The following DYTN variants were observed in gnomAD, a reference collection of about 807,000 sequenced individuals.
DYTN encodes dystrotelin.
In DYTN, 75 loss-of-function variants were observed where a neutral mutation model predicts 69.6. That is an observed-to-expected ratio of 1.08 (90% CI 0.89 to 1.31). The LOEUF (loss-of-function observed/expected upper bound fraction) is 1.31, where lower values mean the gene tolerates loss of function less well. Ranked by LOEUF, DYTN falls within the 50% of genes most tolerant of loss-of-function variation. The pLI, the probability that DYTN is intolerant of heterozygous loss-of-function variation, is 0.00. For synonymous variants in DYTN, 252 were observed against 249.1 expected (o/e 1.01, Z -0.11); for missense variants, 726 against 688.4 (o/e 1.05, Z -0.61).
intron 7 of DYTN, among the ~76,000 whole-genome samples, chr2:206,697,096 G>A (rs1176854573): frequency 6.6e-6 from 1 of 152,120 alleles, no homozygotes; most frequent in Non-Finnish European, 1.5e-5. Flanking sequence ...TATTTGATGA[G>A]TCATCCATGC....
intron 9 of DYTN, among the ~76,000 whole-genome samples, chr2:206,671,814 G>A (rs1699632613): frequency 1.3e-5 from 2 of 152,288 alleles, no homozygotes; most frequent in South Asian, 2.1e-4. Context: ...AGCATTTCAG[G>A]TTAGTGCAAA....
chr2:206,717,354 G>T (rs376191434), intron 1 of DYTN, among the ~76,000 whole-genome samples: 2 of 152,136 alleles, frequency 1.3e-5, no homozygotes, highest in African/African-American at 4.8e-5. Flanking sequence ...GTAGGCCAGT[G>T]GTCCTCACAG....
At chr2:206,713,807 A>G (rs1440951999) in intron 1 of DYTN, among the ~76,000 whole-genome samples, 1 of 152,266 alleles carries the variant, frequency 6.6e-6, no homozygotes, top group African/African-American at 2.4e-5. Context: ...CTCTGAAGCC[A>G]AGACTTACTT....
chr2:206,702,825 C>T (rs1040385198), intron 5 of DYTN, among the ~76,000 whole-genome samples: 1 of 152,158 alleles, frequency 6.6e-6, no homozygotes, highest in African/African-American at 2.4e-5. Context: ...TAAAGATGTG[C>T]ATAAAGATTT....
chr2:206,684,175 T>C (rs567123153), intron 9 of DYTN, among the ~76,000 whole-genome samples: 25 of 152,308 alleles, frequency 1.6e-4, no homozygotes, highest in Non-Finnish European at 3.4e-4. Context: ...TCTGTAGCCA[T>C]TTGTACTTCT....
intron 7 of DYTN, among the ~76,000 whole-genome samples, chr2:206,696,405 G>A (rs1047436416): frequency 1.3e-5 from 2 of 151,904 alleles, no homozygotes; most frequent in Admixed American, 6.6e-5. Context: ...CCTTGAGATC[G>A]CCCCTCAGCT....
intron 8 of DYTN, among the ~76,000 whole-genome samples, chr2:206,694,226 G>A (rs1699895004): frequency 6.6e-6 from 1 of 152,078 alleles, no homozygotes. Context: ...CACTTGCTAG[G>A]TATTTATAAT....
chr2:206,714,691 GGAAT>G (rs10530915), intron 1 of DYTN, among the ~76,000 whole-genome samples: 90,430 of 151,514 alleles, frequency 0.6, 28,493 homozygotes, highest in East Asian at 0.96. Context: ...CCTGAGTGGG[GGAAT>G]GAATGGCTGC....
At chr2:206,700,092 T>A in intron 6 of DYTN, 53 bp downstream of exon 6, 1 of 1,608,168 alleles carries the variant, frequency 6.2e-7, no homozygotes, top group Admixed American at 1.7e-5. Context: ...CAGCAAACTA[T>A]CCCAATACAC....
chr2:206,711,073 T>C (rs12052643), intron 1 of DYTN, among the ~76,000 whole-genome samples: 13,462 of 152,264 alleles, frequency 0.088, 802 homozygotes, highest in East Asian at 0.21. Context: ...AATATAGCAT[T>C]CAACTAGATA....
chr2:206,691,125 T>A (rs1039943762), intron 9 of DYTN, among the ~76,000 whole-genome samples: 1 of 151,730 alleles, frequency 6.6e-6, no homozygotes, highest in Non-Finnish European at 1.5e-5. Flanking sequence ...CAAATAAGAG[T>A]ATGGAGGCCG....
intron 9 of DYTN, among the ~76,000 whole-genome samples, chr2:206,683,135 A>G (rs1394758754): frequency 1.3e-5 from 2 of 152,144 alleles, no homozygotes; most frequent in East Asian, 3.9e-4. Flanking sequence ...ATTGGAAAAA[A>G]TTTAGGAAAA....
chr2:206,682,356 G>A (rs1290889201), intron 9 of DYTN, among the ~76,000 whole-genome samples: 1 of 151,928 alleles, frequency 6.6e-6, no homozygotes, highest in African/African-American at 2.4e-5. Context: ...ACTTTTCAAG[G>A]GTAAAAGGTC....
At chr2:206,685,036 A>G (rs1485701480) in intron 9 of DYTN, among the ~76,000 whole-genome samples, 1 of 152,218 alleles carries the variant, frequency 6.6e-6, no homozygotes, top group Non-Finnish European at 1.5e-5. Flanking sequence ...CTGTTACAGG[A>G]CAATGGAAGT....
Position 206,707,550 on chromosome 2 carries a change from A to G in DYTN, c.95-47T>C, listed in dbSNP as rs751233179. ...TTGAGCCTTATTTTCTGATGGGAAC[A>G]AAAGGCTTCAAATAAAGCAAATGTC... On this transcript the variant is annotated intron_variant, in intron 2 of 11. Transcript: ENST00000452335. The G allele has an allele frequency of 9.1e-6, 14 of 1,536,854 alleles. No individual in the cohort carries two copies. In the African/African-American group the frequency reaches 1.8e-4, roughly 20 times the overall value.
intron 9 of DYTN, among the ~76,000 whole-genome samples, chr2:206,683,516 G>A (rs1360308376): frequency 6.6e-6 from 1 of 151,442 alleles, no homozygotes; most frequent in Non-Finnish European, 1.5e-5. Context: ...GCTAATTTTT[G>A]TATTGTTAGT....
At chr2:206,704,715 T>G (rs1157347472) in intron 5 of DYTN, 128 bp downstream of exon 5, 1 of 742,858 alleles carries the variant, frequency 1.3e-6, no homozygotes, top group African/African-American at 1.8e-5. Flanking sequence ...GCAATGGCTA[T>G]GGAGGAGAGA....
chr2:206,677,904 C>T (rs1313802408), intron 9 of DYTN, among the ~76,000 whole-genome samples: 1 of 151,966 alleles, frequency 6.6e-6, no homozygotes, highest in Non-Finnish European at 1.5e-5. Flanking sequence ...GCAGAATAAT[C>T]GCTTGAACCC....
At chr2:206,694,914 G>A in intron 7 of DYTN, 37 bp from the exon 8 acceptor site, 1 of 910,396 alleles carries the variant, frequency 1.1e-6, no homozygotes, top group South Asian at 1.9e-5. Flanking sequence ...TACGTCACTA[G>A]TAGATGAGAA....
Sources: allele counts gnomAD v4.1 joint callset (sites outside exome capture counted in the v4.1 genomes callset), GRCh38; gene constraint gnomAD v4.1.1; transcripts MANE v1.5; gene names NCBI Gene and HGNC (gene_info 2026-07-23, HGNC 2026-07-21).